NPSR1: variants seen among roughly 807,000 people sequenced by gnomAD.
NPSR1 encodes neuropeptide S receptor 1.
In NPSR1, 48 loss-of-function variants were observed where a neutral mutation model predicts 46.9. The ratio of observed to expected loss-of-function variants is 1.02; its 90% CI spans 0.81 to 1.30. The LOEUF (loss-of-function observed/expected upper bound fraction) is 1.30, where lower values mean the gene tolerates loss of function less well. Among genes scored for constraint, NPSR1 ranks in the 50% most tolerant of loss-of-function variants. The pLI is 0.00. For missense variants in NPSR1, 450 were observed against 449.5 expected (o/e 1.00, Z -0.01); for synonymous variants, 176 against 168.1 (o/e 1.05, Z -0.36).
Position 34,848,649 on chromosome 7 carries a change from C to T in NPSR1, c.1011C>T (p.Ile337=), listed in dbSNP as rs534327415. The stretch of plus-strand genomic sequence containing the variant: ...TCTACTGTGTCTTCAGCAGCTCCAT[C>T]TCTTTCCCCTGCAGGTAAGGGGAGC... The part of the protein sequence containing the change: ...PLIYCVFSSS[I]SFPCREQRSQ... Residue 337 remains isoleucine (I), a synonymous_variant, in exon 8 of 9, where the codon ATC becomes ATT. Coordinates refer to ENST00000360581, the MANE Select transcript of NPSR1 (RefSeq NM_207172.2). 1 of 1,613,988 alleles carries T rather than the reference C, an allele frequency of 6.2e-7. No individual in the cohort carries two copies. The highest frequency in any genetic ancestry group is 1.3e-5 in the African/African-American group (1 of 75,066).
At chr7:34,747,574 A>G (rs927262789) in intron 2 of NPSR1, among the ~76,000 whole-genome samples, 18 of 152,160 alleles carry the variant, frequency 1.2e-4, no homozygotes, top group Admixed American at 3.9e-4. Flanking sequence ...ATAGATGTCA[A>G]TGATAACAGA....
chr7:34,820,336 G>C (rs1789491667), intron 4 of NPSR1, among the ~76,000 whole-genome samples: 1 of 152,110 alleles, frequency 6.6e-6, no homozygotes, highest in Non-Finnish European at 1.5e-5. Flanking sequence ...AAATATACTT[G>C]TTTCCTGGGT....
chr7:34,877,322 T>C (rs1432240137), intron 8 of NPSR1, among the ~76,000 whole-genome samples: 2 of 152,298 alleles, frequency 1.3e-5, no homozygotes, highest in East Asian at 3.9e-4. Context: ...TAGGGCCCCT[T>C]ATCCAAAACC....
chr7:34,792,677 A>ATATATATATATG (rs1554331501), intron 3 of NPSR1, among the ~76,000 whole-genome samples: 5 of 90,558 alleles, frequency 5.5e-5, no homozygotes, highest in African/African-American at 7.5e-5. Flanking sequence ...ATATATATGT[A>ATATATATATATG]TATATATATA....
intron 2 of NPSR1, among the ~76,000 whole-genome samples, chr7:34,773,137 T>C (rs912911222): frequency 6.6e-6 from 1 of 152,134 alleles, no homozygotes; most frequent in East Asian, 1.9e-4. Flanking sequence ...TACCCCTTGA[T>C]TCTAAGACCT....
intron 8 of NPSR1, among the ~76,000 whole-genome samples, chr7:34,874,728 G>A (rs13307507): frequency 6.6e-6 from 1 of 152,034 alleles, no homozygotes; most frequent in Non-Finnish European, 1.5e-5. Flanking sequence ...ATAATTTAAA[G>A]TGAGCAGAGC....
intron 3 of NPSR1, among the ~76,000 whole-genome samples, chr7:34,799,003 A>T (rs1023464473): frequency 2.0e-5 from 3 of 152,124 alleles, no homozygotes; most frequent in African/African-American, 4.8e-5. Flanking sequence ...ATTAGAAAAT[A>T]AAAAAATGTG....
intron 3 of NPSR1, among the ~76,000 whole-genome samples, chr7:34,802,117 T>A (rs1287532433): frequency 2.0e-5 from 3 of 150,218 alleles, no homozygotes; most frequent in African/African-American, 7.6e-5. Flanking sequence ...GAAGAATCAA[T>A]ATCGTGAAAA....
chr7:34,823,442 T>TAAAAAAAAAAAAAAAA (rs1584100064), intron 4 of NPSR1, among the ~76,000 whole-genome samples: 1 of 118,408 alleles, frequency 8.4e-6, no homozygotes, highest in Non-Finnish European at 1.9e-5. Flanking sequence ...ATAGAAAATG[T>TAAAAAAAAAAAAAAAA]ATAGAAATAT....
chr7:34,678,783 G>A (rs59566188), intron 1 of NPSR1, among the ~76,000 whole-genome samples: 25,576 of 149,578 alleles, frequency 0.17, 3,192 homozygotes, highest in African/African-American at 0.35. Flanking sequence ...CCGAGATTGC[G>A]CCACTGCACT....
intron 4 of NPSR1, 115 bp from the exon 5 acceptor site, chr7:34,827,286 G>T (rs1482125371): frequency 2.7e-6 from 2 of 745,654 alleles, no homozygotes; most frequent in East Asian, 2.6e-5. Flanking sequence ...GCTCTGGGAG[G>T]TTCTTTGAGG....
At chr7:34,731,710 T>A (rs1784424093) in intron 2 of NPSR1, among the ~76,000 whole-genome samples, 1 of 152,304 alleles carries the variant, frequency 6.6e-6, no homozygotes, top group South Asian at 2.1e-4. Context: ...GATTGGTTTT[T>A]CACTACTTTA....
At chr7:34,791,094 A>G (rs1286400457) in intron 3 of NPSR1, among the ~76,000 whole-genome samples, 1 of 81,014 alleles carries the variant, frequency 1.2e-5, no homozygotes, top group Non-Finnish European at 2.3e-5. Flanking sequence ...TGTTATATAT[A>G]TTATATATAA....
At chr7:34,829,059 T>C (rs1789997651) in intron 5 of NPSR1, among the ~76,000 whole-genome samples, 1 of 152,238 alleles carries the variant, frequency 6.6e-6, no homozygotes, top group South Asian at 2.1e-4. Flanking sequence ...TGTTTTCTGA[T>C]ACAGTGGGAG....
At chr7:34,686,598 A>T (rs1792940252) in intron 2 of NPSR1, among the ~76,000 whole-genome samples, 1 of 152,130 alleles carries the variant, frequency 6.6e-6, no homozygotes, top group South Asian at 2.1e-4. Context: ...TGTGGAATTT[A>T]TATTTTTACT....
intron 3 of NPSR1, among the ~76,000 whole-genome samples, chr7:34,796,900 A>G (rs1242848620): frequency 6.6e-6 from 1 of 152,172 alleles, no homozygotes; most frequent in Non-Finnish European, 1.5e-5. Flanking sequence ...GTTTATTCCT[A>G]TTTTCCAAAC....
intron 2 of NPSR1, among the ~76,000 whole-genome samples, chr7:34,685,222 A>G (rs1450593343): frequency 1.3e-5 from 2 of 152,212 alleles, no homozygotes; most frequent in Non-Finnish European, 2.9e-5. Context: ...GGAAATGACC[A>G]TTCAGTAGAA....
intron 2 of NPSR1, among the ~76,000 whole-genome samples, chr7:34,702,758 AT>A (rs1562663235): frequency 6.6e-6 from 1 of 152,216 alleles, no homozygotes. Context: ...AGAATTCTGT[AT>A]TATTTATTTA....
intron 2 of NPSR1, among the ~76,000 whole-genome samples, chr7:34,688,448 T>G (rs1793051730): frequency 6.6e-6 from 1 of 152,230 alleles, no homozygotes; most frequent in Non-Finnish European, 1.5e-5. Context: ...GATTGAAGGT[T>G]GAATGTCCTA....
Sources: allele counts gnomAD v4.1 joint callset (sites outside exome capture counted in the v4.1 genomes callset), GRCh38; gene constraint gnomAD v4.1.1; transcripts MANE v1.5; gene names NCBI Gene and HGNC (gene_info 2026-07-23, HGNC 2026-07-21).